Variants in TEX2 observed in about 807,000 individuals in gnomAD.
TEX2 encodes the protein testis-expressed protein 2.
A neutral mutation model predicts 106.9 loss-of-function variants in TEX2; 53 were observed. The ratio of observed to expected loss-of-function variants is 0.50; its 90% CI spans 0.40 to 0.62. The LOEUF (loss-of-function observed/expected upper bound fraction) is 0.62. Among genes scored for constraint, TEX2 ranks in the 20% least tolerant of loss-of-function variants. The probability of loss-of-function intolerance (pLI) is 0.00; values close to 1 mark genes in which losing one functional copy is unlikely to be tolerated. For synonymous variants in TEX2, 523 were observed against 534.8 expected (o/e 0.98, Z 0.30); for missense variants, 1,207 against 1,379.0 (o/e 0.88, Z 1.98).
intron 7 of TEX2, 106 bp from the exon 8 acceptor site, chr17:64,161,039 C>G: frequency 8.1e-7 from 1 of 1,233,842 alleles, no homozygotes. Context: ...ACTGAAAGTC[C>G]ATGTATCGTC....
At chr17:64,179,427 CGGCAACCT>C (rs1463505037) in intron 5 of TEX2, among the ~76,000 whole-genome samples, 1 of 152,222 alleles carries the variant, frequency 6.6e-6, no homozygotes, top group African/African-American at 2.4e-5. Flanking sequence ...CCAGCAGCAG[CGGCAACCT>C]GCTTGGGTGC....
intron 7 of TEX2, among the ~76,000 whole-genome samples, chr17:64,167,805 G>A (rs575185346): frequency 7.9e-5 from 12 of 151,974 alleles, no homozygotes; most frequent in Non-Finnish European, 1.6e-4. Context: ...GACGACAAGA[G>A]TGAAACTCCA....
At chr17:64,246,151 A>G (rs2033984353) in intron 1 of TEX2, among the ~76,000 whole-genome samples, 1 of 152,256 alleles carries the variant, frequency 6.6e-6, no homozygotes, top group African/African-American at 2.4e-5. Flanking sequence ...TGAAATTCAG[A>G]AAGGAAGAAG....
chr17:64,208,897 G>T (rs975051586), intron 2 of TEX2, among the ~76,000 whole-genome samples: 1 of 152,212 alleles, frequency 6.6e-6, no homozygotes, highest in African/African-American at 2.4e-5. Context: ...AAAGCTCTGG[G>T]ATTACAGGTG....
intron 4 of TEX2, 33 bp from the exon 5 acceptor site, chr17:64,188,448 A>G (rs777289942): frequency 6.2e-7 from 1 of 1,602,750 alleles, no homozygotes; most frequent in Admixed American, 1.7e-5. Flanking sequence ...TATTCACACA[A>G]TGAAGAAAAC....
intron 1 of TEX2, among the ~76,000 whole-genome samples, chr17:64,226,679 C>G (rs141748954): frequency 1.3e-5 from 2 of 152,206 alleles, no homozygotes; most frequent in African/African-American, 4.8e-5. Context: ...GAATTGGAAA[C>G]AAACCGATGA....
At chr17:64,249,536 T>A (rs2034052884) in intron 1 of TEX2, among the ~76,000 whole-genome samples, 1 of 151,058 alleles carries the variant, frequency 6.6e-6, no homozygotes, top group African/African-American at 2.4e-5. Context: ...ATATATTAAA[T>A]TTGTTTTCAA....
At chr17:64,223,719 T>G (rs1330436620) in intron 1 of TEX2, among the ~76,000 whole-genome samples, 1 of 148,250 alleles carries the variant, frequency 6.7e-6, no homozygotes, top group Non-Finnish European at 1.5e-5. Flanking sequence ...GCATCTTTTT[T>G]TTTTTTTTTT....
intron 7 of TEX2, among the ~76,000 whole-genome samples, chr17:64,168,180 A>C (rs1220992255): frequency 1.3e-5 from 2 of 152,188 alleles, no homozygotes; most frequent in Non-Finnish European, 2.9e-5. Context: ...TGTCACCCAG[A>C]TTCAAATTTC....
At chr17:64,180,044 G>A (rs1177107336) in intron 5 of TEX2, among the ~76,000 whole-genome samples, 3 of 152,126 alleles carry the variant, frequency 2.0e-5, no homozygotes, top group African/African-American at 7.2e-5. Flanking sequence ...AGCCCCAAGG[G>A]TAATTCATTC....
At position 64,195,388 on chromosome 17, in the gene TEX2, CAGA is replaced by C. The variant is rs139760910; in HGVS notation, c.1645-296_1645-294del. On this transcript the variant is annotated intron_variant, in intron 2 of 11. Coordinates refer to ENST00000584379, the MANE Select transcript of TEX2 (RefSeq NM_001288732.2). The surrounding 1 kb of genome is among the most constrained non-coding windows in gnomAD (Gnocchi z 4.1). Reference sequence around the variant, plus strand: ...AAGCTTATAAGCACATCAGGAAACTCAGAAGATTTGTTCATGTGACTGAGCAAG... The same window carrying C: ...AAGCTTATAAGCACATCAGGAAACTCAGATTTGTTCATGTGACTGAGCAAG... Among the ~76,000 whole-genome samples the C allele has an allele frequency of 1.1e-3, 173 of 152,290 alleles. No individual in the cohort carries two copies. Among genetic ancestry groups the C allele is most frequent in the African/African-American group, 4.0e-3 (168 of 41,558 alleles).
At chr17:64,214,279 A>C in intron 1 of TEX2, 37 bp from the exon 2 acceptor site, 1 of 1,539,806 alleles carries the variant, frequency 6.5e-7, no homozygotes, top group East Asian at 2.3e-5. Flanking sequence ...GTCAGAGAGC[A>C]GTTTCTCCAC....
intron 1 of TEX2, among the ~76,000 whole-genome samples, chr17:64,245,836 G>C (rs193158216): frequency 4.6e-5 from 7 of 152,290 alleles, no homozygotes; most frequent in African/African-American, 1.7e-4. Context: ...AGACAGCTGA[G>C]AGCTAAAGCC....
At chr17:64,245,340 A>C (rs753359404) in intron 1 of TEX2, among the ~76,000 whole-genome samples, 1 of 152,208 alleles carries the variant, frequency 6.6e-6, no homozygotes, top group Non-Finnish European at 1.5e-5. Context: ...AATCTATTTA[A>C]ATGGAATAGT....
At chr17:64,243,685 T>C (rs181853200) in intron 1 of TEX2, among the ~76,000 whole-genome samples, 72 of 152,298 alleles carry the variant, frequency 4.7e-4, no homozygotes, top group African/African-American at 1.6e-3. Context: ...AAATGAAGGG[T>C]TCTTAACACA....
At chr17:64,244,279 A>T (rs1555636069) in intron 1 of TEX2, among the ~76,000 whole-genome samples, 1 of 152,070 alleles carries the variant, frequency 6.6e-6, no homozygotes, top group African/African-American at 2.4e-5. Flanking sequence ...CACAATCCTG[A>T]TGTGGGTGTG....
At chr17:64,209,933 G>T (rs2032944681) in intron 2 of TEX2, among the ~76,000 whole-genome samples, 2 of 152,074 alleles carry the variant, frequency 1.3e-5, no homozygotes, top group South Asian at 4.1e-4. Flanking sequence ...GTAAACTCTT[G>T]ACATATCACA....
intron 2 of TEX2, among the ~76,000 whole-genome samples, chr17:64,204,216 T>G (rs940742): frequency 0.8 from 122,314 of 152,158 alleles, 49,383 homozygotes; most frequent in Middle Eastern, 0.89. Context: ...TTACTTATAA[T>G]TTATACACAT....
intron 1 of TEX2, among the ~76,000 whole-genome samples, chr17:64,229,945 C>T (rs141043524): frequency 1.1e-4 from 16 of 152,236 alleles, no homozygotes; most frequent in African/African-American, 3.6e-4. Context: ...AAAAATTAGC[C>T]GTTTCCCCCA....
Sources: allele counts gnomAD v4.1 joint callset (sites outside exome capture counted in the v4.1 genomes callset), GRCh38; gene constraint gnomAD v4.1.1; non-coding constraint Gnocchi (gnomAD v3.1); transcripts MANE v1.5; gene names NCBI Gene and HGNC (gene_info 2026-07-23, HGNC 2026-07-21).